Variants in DOCK1 observed in about 807,000 individuals in gnomAD.
DOCK1 encodes the protein dedicator of cytokinesis protein 1.
DOCK1 carries 138 observed loss-of-function variants against 262.7 expected under a neutral mutation model. The ratio of observed to expected loss-of-function variants is 0.53; its 90% CI spans 0.46 to 0.61. The LOEUF (loss-of-function observed/expected upper bound fraction) is 0.61. Ranked by LOEUF, DOCK1 falls within the 20% of genes least tolerant of loss-of-function variation. DOCK1 has a pLI of 0.00. For synonymous variants in DOCK1, 866 were observed against 867.4 expected (o/e 1.00, Z 0.03); for missense variants, 1,908 against 2,370.7 (o/e 0.80, Z 4.05).
Position 126,998,336 on chromosome 10 carries a change from C to T in DOCK1, c.767+87C>T, listed in dbSNP as rs2040355699. 1.9e-6 allele frequency: 3 copies of T among 1,546,010 alleles called. No individual in the cohort carries two copies. The East Asian group carries it at 6.8e-5, about 35-fold the overall frequency. ...GAACCACTGAAGCGTCCCATTCATG[C>T]TGAGAGGCCTTGGATGAATGGCTGC... On this transcript the variant is annotated intron_variant, in intron 8 of 51. Transcript: ENST00000623213.
intron 27 of DOCK1, among the ~76,000 whole-genome samples, chr10:127,244,478 A>T (rs1034696423): frequency 2.0e-5 from 3 of 152,172 alleles, no homozygotes; most frequent in African/African-American, 7.2e-5. Flanking sequence ...ATCACTTTTT[A>T]AAAAGGTTAT....
rs1282796072 is a variant in DOCK1, at chr10:127,023,195, C to T, written c.1328-5C>T. ...TTTTTAAATGTATGATTTCTCCCCC[C>T]TCAGGTGATGTTCGAAATGATATCT... On this transcript the variant is annotated splice_polypyrimidine_tract_variant and splice_region_variant and intron_variant, in intron 13 of 51. Transcript: ENST00000623213. 11 of 1,612,942 alleles carry T rather than the reference C, an allele frequency of 6.8e-6. No individual in the cohort carries two copies. Among genetic ancestry groups the T allele is most frequent in the East Asian group, 2.2e-5 (1 of 44,872 alleles).
intron 13 of DOCK1, among the ~76,000 whole-genome samples, chr10:127,020,837 C>T (rs987433370): frequency 2.0e-5 from 3 of 152,110 alleles, no homozygotes; most frequent in Non-Finnish European, 4.4e-5. Context: ...GTGTATCACC[C>T]GGTTTTGTCA....
intron 27 of DOCK1, among the ~76,000 whole-genome samples, chr10:127,240,431 A>G (rs1590079513): frequency 6.6e-6 from 1 of 152,128 alleles, no homozygotes; most frequent in Non-Finnish European, 1.5e-5. Context: ...CAATTTCACC[A>G]TGGGTTGTTT....
chr10:127,288,658 C>T lies in DOCK1; in HGVS notation c.3044+31229C>T, dbSNP rs78444147. Among the ~76,000 whole-genome samples the T allele has an allele frequency of 8.6e-3, 1,302 of 151,364 alleles. 36 individuals carry two copies. In the East Asian group the frequency reaches 0.11, roughly 12 times the overall value. ...TCTCTTACACTGAAAATTTGGGTCCCTAATGACACAAACATGATGTCTTGT... is the reference window on the plus strand; with the variant it reads ...TCTCTTACACTGAAAATTTGGGTCCTTAATGACACAAACATGATGTCTTGT... On this transcript the variant is annotated intron_variant, in intron 29 of 51. Transcript: ENST00000623213.
intron 2 of DOCK1, among the ~76,000 whole-genome samples, chr10:126,974,204 CCTG>C (rs1344578484): frequency 1.3e-5 from 2 of 152,140 alleles, no homozygotes; most frequent in Non-Finnish European, 2.9e-5. Context: ...GCGTGCCAAT[CCTG>C]CTGTCGACTC....
intron 4 of DOCK1, among the ~76,000 whole-genome samples, chr10:126,987,320 C>A (rs2039475002): frequency 6.6e-6 from 1 of 152,132 alleles, no homozygotes; most frequent in Non-Finnish European, 1.5e-5. Flanking sequence ...AATGTATGAA[C>A]CTTCCCAAGC....
At chr10:127,116,854 A>G (rs977657005) in intron 25 of DOCK1, among the ~76,000 whole-genome samples, 1 of 152,214 alleles carries the variant, frequency 6.6e-6, no homozygotes, top group Non-Finnish European at 1.5e-5. Flanking sequence ...TTAATTAGAT[A>G]GTTGTGCTGA....
At chr10:127,068,729 A>G (rs994390148) in intron 23 of DOCK1, among the ~76,000 whole-genome samples, 1 of 152,222 alleles carries the variant, frequency 6.6e-6, no homozygotes, top group African/African-American at 2.4e-5. Context: ...ACACACACAT[A>G]TGTATACACC....
intron 32 of DOCK1, among the ~76,000 whole-genome samples, chr10:127,354,977 C>T (rs1341442110): frequency 2.6e-5 from 4 of 152,220 alleles, no homozygotes; most frequent in African/African-American, 4.8e-5. Flanking sequence ...TGTGTGGACA[C>T]GTGGCTTGGA....
intron 1 of DOCK1, among the ~76,000 whole-genome samples, chr10:126,945,075 G>T (rs2035291109): frequency 6.6e-6 from 1 of 152,138 alleles, no homozygotes; most frequent in South Asian, 2.1e-4. Context: ...CTGACTTTGT[G>T]ATCCGCCTGC....
intron 23 of DOCK1, among the ~76,000 whole-genome samples, chr10:127,062,297 A>T (rs2045587748): frequency 6.6e-6 from 1 of 152,156 alleles, no homozygotes; most frequent in African/African-American, 2.4e-5. Flanking sequence ...TATTTATGGG[A>T]CATACGCTGA....
chr10:126,912,879 A>G (rs1297100284), intron 1 of DOCK1, among the ~76,000 whole-genome samples: 1 of 152,208 alleles, frequency 6.6e-6, no homozygotes, highest in African/African-American at 2.4e-5. Flanking sequence ...CTGAGGTTAG[A>G]ACACTGACAT....
chr10:127,439,303 C>G, intron 49 of DOCK1, 78 bp downstream of exon 49: 1 of 1,434,708 alleles, frequency 7.0e-7, no homozygotes, highest in Non-Finnish European at 9.4e-7. Context: ...GCCAACAGGG[C>G]TGACGGTGGG....
At chr10:127,044,180 A>G (rs1163303216) in intron 21 of DOCK1, among the ~76,000 whole-genome samples, 2 of 152,164 alleles carry the variant, frequency 1.3e-5, no homozygotes, top group African/African-American at 2.4e-5. Flanking sequence ...TGTGTCTTCA[A>G]CATACTTTGC....
intron 25 of DOCK1, among the ~76,000 whole-genome samples, chr10:127,121,913 A>G (rs1243761300): frequency 6.6e-6 from 1 of 152,226 alleles, no homozygotes; most frequent in Non-Finnish European, 1.5e-5. Context: ...TCCAAGACAC[A>G]CACACTCATA....
At chr10:126,951,960 C>T (rs1465427597) in intron 1 of DOCK1, among the ~76,000 whole-genome samples, 3 of 151,436 alleles carry the variant, frequency 2.0e-5, no homozygotes, top group East Asian at 3.9e-4. Context: ...AGCGATTTTC[C>T]TGCCTCGGAC....
At chr10:127,182,097 A>G (rs1049066206) in intron 27 of DOCK1, among the ~76,000 whole-genome samples, 2 of 152,122 alleles carry the variant, frequency 1.3e-5, no homozygotes, top group Admixed American at 6.5e-5. Context: ...GGCTCCTTGG[A>G]GGAAACACGG....
chr10:127,175,130 A>T lies in DOCK1; in HGVS notation c.2847+47366A>T. On this transcript the variant is annotated intron_variant, in intron 27 of 51. Transcript: ENST00000623213. This position sits in a 1 kb window ranked among gnomAD's most constrained non-coding sequence, Gnocchi z 6.3. ...CGGAAATGCTGGCTTTAGTCTCATT[A>T]CAGACTTGGGTTTGGGGCTACAGAT... 8.2e-7 allele frequency: 1 copy of T among 1,226,406 alleles called. No homozygotes were observed. The highest frequency in any genetic ancestry group is 1.2e-6 in the Non-Finnish European group (1 of 860,066). The allele number at this position is 1,226,406 out of a possible 1,614,324, so 76.0% of individuals were successfully genotyped here.
Sources: gnomAD v4.1 joint callset for allele counts (sites outside exome capture counted in the v4.1 genomes callset) on GRCh38, gnomAD v4.1.1 for gene constraint, Gnocchi (gnomAD v3.1) non-coding constraint, MANE v1.5 for transcripts, NCBI Gene and HGNC (gene_info 2026-07-23, HGNC 2026-07-21) for gene names.